The following ZFYVE1 variants were observed in gnomAD, a reference collection of about 807,000 sequenced individuals.
ZFYVE1 encodes zinc finger FYVE domain-containing protein 1.
Under a neutral mutation model 74.4 loss-of-function variants are expected in ZFYVE1, and 30 were observed. That is an observed-to-expected ratio of 0.40 (90% CI 0.30 to 0.55). The LOEUF is 0.55. Ranked by LOEUF, ZFYVE1 falls within the 20% of genes least tolerant of loss-of-function variation. ZFYVE1 has a pLI of 0.42. For synonymous variants in ZFYVE1, 335 were observed against 385.1 expected, an observed-to-expected ratio of 0.87 and a Z score of 1.52; for missense variants, 703 against 1,011.6, an observed-to-expected ratio of 0.69 and a Z score of 4.14.
At chr14:73,015,471 A>C (rs1388652098) in intron 2 of ZFYVE1, among the ~76,000 whole-genome samples, 1 of 150,730 alleles carries the variant, frequency 6.6e-6, no homozygotes, top group Non-Finnish European at 1.5e-5. Flanking sequence ...TAGCAGAGGA[A>C]ACCTCCACCC....
At chr14:72,994,831 G>A (rs1469821194) in intron 3 of ZFYVE1, among the ~76,000 whole-genome samples, 2 of 152,144 alleles carry the variant, frequency 1.3e-5, no homozygotes, top group East Asian at 1.9e-4. Flanking sequence ...TACAGTCTTC[G>A]ATCCTGTGGA....
At chr14:73,026,109 C>A (rs1894454603) in intron 1 of ZFYVE1, among the ~76,000 whole-genome samples, 1 of 145,648 alleles carries the variant, frequency 6.9e-6, no homozygotes, top group African/African-American at 2.6e-5. Flanking sequence ...CACTGTAATT[C>A]TTCTGTCCCT....
Position 72,969,605 on chromosome 14 carries a change from G to A in ZFYVE1, c.*1277C>T, listed in dbSNP as rs1217773690. 1.0e-5 allele frequency: 7 copies of A among 672,252 alleles called. No individual in the cohort carries two copies. The highest frequency in any genetic ancestry group is 3.6e-5 in the African/African-American group (2 of 56,214). The allele number at this position is 672,252 out of a possible 1,614,324, so 41.6% of individuals were successfully genotyped here. ...ACCGATAGGCGCACCAGGAATGACC[G>A]CCATATACTTCCCTAAAGCTCAACC... On this transcript the variant is annotated 3_prime_UTR_variant, in exon 12 of 12. Coordinates refer to ENST00000556143, the MANE Select transcript of ZFYVE1 (RefSeq NM_021260.4).
intron 11 of ZFYVE1, among the ~76,000 whole-genome samples, chr14:72,973,816 A>G (rs1893095830): frequency 6.6e-6 from 1 of 152,232 alleles, no homozygotes; most frequent in Non-Finnish European, 1.5e-5. Flanking sequence ...CTGCAAAGAC[A>G]TCAAAGATGG....
intron 2 of ZFYVE1, among the ~76,000 whole-genome samples, chr14:73,018,939 CAAA>C (rs61506461): frequency 7.0e-5 from 6 of 85,662 alleles, no homozygotes; most frequent in Non-Finnish European, 7.2e-5. Context: ...GACTCCATCT[CAAA>C]AAAAAAAAAA....
At chr14:72,993,824 C>T (rs1368250213) in intron 3 of ZFYVE1, among the ~76,000 whole-genome samples, 1 of 150,774 alleles carries the variant, frequency 6.6e-6, no homozygotes, top group African/African-American at 2.4e-5. Context: ...GAGATGGAGA[C>T]CATCCTGGCA....
At chr14:73,006,237 T>C (rs1051509231) in intron 2 of ZFYVE1, among the ~76,000 whole-genome samples, 12 of 151,662 alleles carry the variant, frequency 7.9e-5, no homozygotes, top group Admixed American at 3.9e-4. Flanking sequence ...TTATTATTCA[T>C]ACTGGCTTTA....
At chr14:72,993,568 G>A (rs1376407819) in intron 3 of ZFYVE1, among the ~76,000 whole-genome samples, 24 of 135,152 alleles carry the variant, frequency 1.8e-4, no homozygotes, top group Admixed American at 1.6e-3. Flanking sequence ...GCGTGGTGGC[G>A]CATGCCTGTA....
intron 2 of ZFYVE1, among the ~76,000 whole-genome samples, chr14:73,013,392 G>A (rs968827911): frequency 6.6e-6 from 1 of 152,092 alleles, no homozygotes; most frequent in Non-Finnish European, 1.5e-5. Context: ...CAAATCACCT[G>A]AGATCAAGAG....
intron 4 of ZFYVE1, 23 bp from the exon 5 acceptor site, chr14:72,981,918 T>C: frequency 6.2e-7 from 1 of 1,610,250 alleles, no homozygotes; most frequent in South Asian, 1.1e-5. Context: ...GAAGGTGACA[T>C]ATGATGGCAC....
chr14:73,012,302 G>C (rs1894107973), intron 2 of ZFYVE1, among the ~76,000 whole-genome samples: 1 of 152,028 alleles, frequency 6.6e-6, no homozygotes, highest in Admixed American at 6.6e-5. Context: ...AAACCCATGA[G>C]TCACCAGGCC....
Position 72,975,040 on chromosome 14 carries a change from G to A in ZFYVE1, c.1807-81C>T, listed in dbSNP as rs919727881. 30 of 1,462,658 alleles carry A rather than the reference G, an allele frequency of 2.1e-5. No individual in the cohort carries two copies. In the African/African-American group the frequency reaches 2.4e-4, roughly 12 times the overall value. 90.6% of individuals were successfully genotyped at this position (1,462,658 alleles called of 1,614,324 possible). ...CAGCTGAGAAAGTCAACAAGACCCC[G>A]GAGCAAGCAGAAACTAAGGCAGGTG... is the stretch of plus-strand genomic sequence containing the variant. On this transcript the variant is annotated intron_variant, in intron 9 of 11. Transcript: ENST00000556143. This position sits in a 1 kb window ranked among gnomAD's most constrained non-coding sequence, Gnocchi z 4.1.
At chr14:72,983,662 A>C (rs1405840717) in intron 4 of ZFYVE1, among the ~76,000 whole-genome samples, 1 of 152,126 alleles carries the variant, frequency 6.6e-6, no homozygotes, top group Non-Finnish European at 1.5e-5. Flanking sequence ...CAATAAACAT[A>C]CGTGTGCATG....
chr14:72,991,379 C>T (rs954107730), intron 4 of ZFYVE1, among the ~76,000 whole-genome samples: 36 of 152,016 alleles, frequency 2.4e-4, no homozygotes, highest in East Asian at 5.8e-4. Flanking sequence ...TTAGTAGAGA[C>T]GGGGTTTCAC....
chr14:72,991,183 ATTTTTTTTTTTT>A (rs57153409), intron 4 of ZFYVE1, among the ~76,000 whole-genome samples: 1 of 83,568 alleles, frequency 1.2e-5, no homozygotes, highest in African/African-American at 4.5e-5. Flanking sequence ...CCCTGATGGT[ATTTTTTTTTTTT>A]TTTTTTTTTT....
chr14:72,979,586 G>A (rs993114765), intron 5 of ZFYVE1, among the ~76,000 whole-genome samples: 2 of 151,774 alleles, frequency 1.3e-5, no homozygotes, highest in Admixed American at 6.6e-5. Context: ...TCCAGGAGGC[G>A]GAGGTTGCAG....
chr14:73,024,139 T>C lies in ZFYVE1; in HGVS notation c.370A>G (p.Ser124Gly). Residue 124 changes from serine (S) to glycine (G), a missense_variant, in exon 2 of 12, where the codon AGT (serine) becomes GGT (glycine). This residue lies in a region of ZFYVE1 where 211 missense variants were observed against 221.7 expected (regional missense o/e 0.95). Coordinates refer to ENST00000556143, the MANE Select transcript of ZFYVE1 (RefSeq NM_021260.4). The part of the protein sequence containing the change: ...RRHPVTVYNV[S>G]NLQESLEAEE... ...GCCTCCAGTGACTCCTGGAGATTAC[T>C]GACATTGTACACAGTAACAGGGTGT... The C allele has an allele frequency of 1.9e-6, 3 of 1,614,204 alleles. No individual in the cohort carries two copies. Among genetic ancestry groups the C allele is most frequent in the Non-Finnish European group, 2.5e-6 (3 of 1,180,034 alleles).
At chr14:72,971,815 G>A (rs1475229955) in intron 11 of ZFYVE1, among the ~76,000 whole-genome samples, 1 of 152,150 alleles carries the variant, frequency 6.6e-6, no homozygotes, top group Non-Finnish European at 1.5e-5. Context: ...AACTGAAGGG[G>A]CAGCCGTGTT....
intron 2 of ZFYVE1, among the ~76,000 whole-genome samples, chr14:73,004,070 G>A (rs1002229446): frequency 2.0e-5 from 3 of 152,184 alleles, no homozygotes; most frequent in Non-Finnish European, 2.9e-5. Context: ...TGGGCTAACC[G>A]ATCTAGCAGA....
Sources: gnomAD v4.1 joint callset for allele counts (sites outside exome capture counted in the v4.1 genomes callset) on GRCh38, gnomAD v4.1.1 for gene constraint, gnomAD v4.1.1 regional missense constraint, Gnocchi (gnomAD v3.1) non-coding constraint, MANE v1.5 for transcripts, NCBI Gene and HGNC (gene_info 2026-07-23, HGNC 2026-07-21) for gene names.